MCUB: variants seen among roughly 807,000 people sequenced by gnomAD.
MCUB encodes the protein mitochondrial calcium uniporter dominant negative subunit beta.
MCUB carries 46 observed loss-of-function variants against 41.4 expected under a neutral mutation model. The ratio of observed to expected loss-of-function variants is 1.11; its 90% CI spans 0.88 to 1.42. The LOEUF (loss-of-function observed/expected upper bound fraction) is 1.42, where lower values mean the gene tolerates loss of function less well. MCUB is among the 40% of genes most tolerant of loss of function. The pLI is 0.00. For synonymous variants in MCUB, 148 were observed against 148.2 expected, an observed-to-expected ratio of 1.00 and a Z score of 0.01; for missense variants, 403 against 404.9, an observed-to-expected ratio of 1.00 and a Z score of 0.04.
intron 1 of MCUB, among the ~76,000 whole-genome samples, chr4:109,580,247 T>C (rs933002219): frequency 6.6e-6 from 1 of 152,218 alleles, no homozygotes; most frequent in Non-Finnish European, 1.5e-5. Context: ...CCATGGTGTA[T>C]ATGTGCCACA....
intron 1 of MCUB, among the ~76,000 whole-genome samples, chr4:109,589,444 C>A (rs935597349): frequency 1.3e-5 from 2 of 152,190 alleles, no homozygotes; most frequent in African/African-American, 2.4e-5. Context: ...GAATCCTGTG[C>A]TGGATACTTC....
chr4:109,587,865 T>A (rs1041701612), intron 1 of MCUB, among the ~76,000 whole-genome samples: 8 of 152,204 alleles, frequency 5.3e-5, no homozygotes, highest in African/African-American at 9.6e-5. Context: ...ATGTTGTAAG[T>A]AATAATTGGG....
intron 1 of MCUB, among the ~76,000 whole-genome samples, chr4:109,622,442 G>A (rs1455966314): frequency 1.3e-5 from 2 of 152,082 alleles, no homozygotes; most frequent in Non-Finnish European, 2.9e-5. Flanking sequence ...TTATTTATTG[G>A]CCAAGAGATT....
At chr4:109,575,556 G>A (rs1451346190) in intron 1 of MCUB, among the ~76,000 whole-genome samples, 1 of 152,168 alleles carries the variant, frequency 6.6e-6, no homozygotes, top group East Asian at 1.9e-4. Context: ...AATTTAGTGG[G>A]ATTGTGCTGC....
chr4:109,615,780 A>C (rs1728114477), intron 1 of MCUB, among the ~76,000 whole-genome samples: 1 of 152,222 alleles, frequency 6.6e-6, no homozygotes, highest in South Asian at 2.1e-4. Flanking sequence ...TGGTTTTAGG[A>C]TAAGTACACT....
chr4:109,681,523 C>T (rs1729715890), intron 4 of MCUB: 1 of 441,490 alleles, frequency 2.3e-6, no homozygotes, highest in African/African-American at 2.0e-5. Context: ...GTTCTCTGAC[C>T]TGGGGTTCTT....
chr4:109,593,007 A>AT (rs1561219891), intron 1 of MCUB, among the ~76,000 whole-genome samples: 1 of 152,122 alleles, frequency 6.6e-6, no homozygotes, highest in South Asian at 2.1e-4. Flanking sequence ...TCATGATTTA[A>AT]TTTTTTCTTC....
intron 1 of MCUB, among the ~76,000 whole-genome samples, chr4:109,612,689 A>G (rs373753857): frequency 2.0e-5 from 3 of 152,184 alleles, no homozygotes; most frequent in South Asian, 4.1e-4. Flanking sequence ...GGGCTGTAAC[A>G]TATAAATGGG....
intron 4 of MCUB, among the ~76,000 whole-genome samples, chr4:109,673,097 G>A (rs530574057): frequency 1.3e-3 from 195 of 152,314 alleles, no homozygotes; most frequent in Non-Finnish European, 2.2e-3. Context: ...CATCAGGGCA[G>A]TATTTAACTT....
intron 1 of MCUB, among the ~76,000 whole-genome samples, chr4:109,594,664 A>AG: frequency 6.6e-6 from 1 of 152,028 alleles, no homozygotes; most frequent in East Asian, 1.9e-4. Flanking sequence ...TCTCAAAAAA[A>AG]AAAGGAGGGA....
In MCUB at chr4:109,681,480, G is replaced by A. The variant is rs115393279; in HGVS notation, c.452-1102G>A. ...TGCTCCCAGAACTCCCAAGATGGTC[G>A]TGGGCCACTTCCAAGATGATGGCAA... On this transcript the variant is annotated intron_variant, in intron 4 of 7. Transcript: ENST00000394650. The A allele has an allele frequency of 9.0e-3, 4,056 of 453,064 alleles. 45 individuals carry two copies. The highest frequency in any genetic ancestry group is 0.029 in the East Asian group (411 of 14,190). 28.1% of individuals were successfully genotyped at this position (453,064 alleles called of 1,614,324 possible).
chr4:109,673,055 C>A (rs570946292), intron 4 of MCUB, among the ~76,000 whole-genome samples: 2 of 152,288 alleles, frequency 1.3e-5, no homozygotes, highest in South Asian at 2.1e-4. Context: ...TCAACACTTA[C>A]AAACTTGCTT....
chr4:109,674,003 C>G (rs1729517203), intron 4 of MCUB: 1 of 1,163,362 alleles, frequency 8.6e-7, no homozygotes, highest in African/African-American at 1.5e-5. Context: ...AGGGGAAATA[C>G]TAAAATGTCC....
intron 1 of MCUB, among the ~76,000 whole-genome samples, chr4:109,571,842 A>T (rs949677496): frequency 6.6e-6 from 1 of 152,234 alleles, no homozygotes; most frequent in African/African-American, 2.4e-5. Flanking sequence ...GTTCCATTGA[A>T]TATTTTATTG....
chr4:109,623,199 T>C (rs1369315522), intron 1 of MCUB, among the ~76,000 whole-genome samples: 1 of 152,190 alleles, frequency 6.6e-6, no homozygotes, highest in East Asian at 1.9e-4. Flanking sequence ...TCAGCATTAG[T>C]TAAATCCACT....
At chr4:109,642,298 A>G (rs1728737242) in intron 1 of MCUB, among the ~76,000 whole-genome samples, 1 of 152,216 alleles carries the variant, frequency 6.6e-6, no homozygotes, top group Non-Finnish European at 1.5e-5. Context: ...CTACTGAGTG[A>G]GCCCTGAAAC....
At chr4:109,676,734 T>C (rs1017594868) in intron 4 of MCUB, among the ~76,000 whole-genome samples, 2 of 152,236 alleles carry the variant, frequency 1.3e-5, no homozygotes, top group African/African-American at 4.8e-5. Context: ...TGTTTTCATA[T>C]CCAAGGACTT....
At chr4:109,659,115 A>G (rs1333471970) in intron 2 of MCUB, 29 bp downstream of exon 2, 15 of 1,186,050 alleles carry the variant, frequency 1.3e-5, no homozygotes, top group Non-Finnish European at 1.6e-5. Flanking sequence ...TATTTGATTC[A>G]TATGTTAATT....
intron 1 of MCUB, among the ~76,000 whole-genome samples, chr4:109,604,762 A>G (rs1461038365): frequency 6.6e-6 from 1 of 152,232 alleles, no homozygotes; most frequent in African/African-American, 2.4e-5. Context: ...TTCAGCATCC[A>G]TTGAAATGAT....
Sources: allele counts gnomAD v4.1 joint callset (sites outside exome capture counted in the v4.1 genomes callset), GRCh38; gene constraint gnomAD v4.1.1; transcripts MANE v1.5; gene names NCBI Gene and HGNC (gene_info 2026-07-23, HGNC 2026-07-21).